NBEA: variants seen among roughly 807,000 people sequenced by gnomAD.
NBEA encodes the protein lysosomal-trafficking regulator 2.
NBEA carries 44 observed loss-of-function variants against 343.4 expected under a neutral mutation model. That is an observed-to-expected ratio of 0.13 (90% CI 0.10 to 0.16). The LOEUF (loss-of-function observed/expected upper bound fraction) is 0.16. Among genes scored for constraint, NBEA ranks in the 10% least tolerant of loss-of-function variants. The probability of loss-of-function intolerance (pLI) is 1.00; values close to 1 mark genes in which losing one functional copy is unlikely to be tolerated. For synonymous variants in NBEA, 1,175 were observed against 1,238.7 expected (o/e 0.95, Z 1.08); for missense variants, 2,555 against 3,631.3 (o/e 0.70, Z 7.62).
chr13:35,548,100 C>A (rs2079147200), intron 41 of NBEA, among the ~76,000 whole-genome samples: 1 of 152,154 alleles, frequency 6.6e-6, no homozygotes, highest in Non-Finnish European at 1.5e-5. Flanking sequence ...CACCCTTCCT[C>A]CTGTGTGGTC....
intron 34 of NBEA, among the ~76,000 whole-genome samples, chr13:35,286,882 G>A (rs550062919): frequency 1.9e-4 from 29 of 152,016 alleles, no homozygotes; most frequent in African/African-American, 7.0e-4. Context: ...CAAAAGAACT[G>A]CCAGTTTTTT....
At chr13:35,667,663 G>C (rs1174074302) in intron 57 of NBEA, 93 bp downstream of exon 57, 1 of 1,201,042 alleles carries the variant, frequency 8.3e-7, no homozygotes, top group Non-Finnish European at 1.2e-6. Flanking sequence ...GAATGTCTGT[G>C]CTATCCAGAT....
chr13:35,463,886 A>G (rs1182087401), intron 40 of NBEA, among the ~76,000 whole-genome samples: 1 of 152,092 alleles, frequency 6.6e-6, no homozygotes, highest in African/African-American at 2.4e-5. Flanking sequence ...GGGGGTAACT[A>G]CCTCAAACAA....
At chr13:35,448,864 C>T (rs1414732553) in intron 39 of NBEA, among the ~76,000 whole-genome samples, 8 of 152,110 alleles carry the variant, frequency 5.3e-5, no homozygotes, top group African/African-American at 1.9e-4. Flanking sequence ...AGGACAGACA[C>T]ATAGTAGGTA....
intron 1 of NBEA, among the ~76,000 whole-genome samples, chr13:34,968,387 G>A (rs2059896179): frequency 6.6e-6 from 1 of 152,022 alleles, no homozygotes; most frequent in Non-Finnish European, 1.5e-5. Context: ...AACTATCTAA[G>A]GGCCCCAACA....
At chr13:35,489,160 G>A (rs2076410932) in intron 41 of NBEA, among the ~76,000 whole-genome samples, 1 of 151,606 alleles carries the variant, frequency 6.6e-6, no homozygotes, top group African/African-American at 2.4e-5. Context: ...GACAAAGACA[G>A]CCTGCCTGAA....
intron 34 of NBEA, among the ~76,000 whole-genome samples, chr13:35,252,265 C>T (rs556427764): frequency 6.6e-6 from 1 of 152,262 alleles, no homozygotes; most frequent in Admixed American, 6.5e-5. Flanking sequence ...ATGAAACCAT[C>T]AGATCTCATG....
intron 49 of NBEA, among the ~76,000 whole-genome samples, chr13:35,638,586 C>A (rs555828344): frequency 6.6e-6 from 1 of 152,284 alleles, no homozygotes; most frequent in South Asian, 2.1e-4. Flanking sequence ...GGCGCATCTT[C>A]CAGAGCCAAA....
At chr13:35,546,667 C>T (rs185497623) in intron 41 of NBEA, among the ~76,000 whole-genome samples, 183 of 151,858 alleles carry the variant, frequency 1.2e-3, no homozygotes, top group Non-Finnish European at 1.9e-4. Context: ...ATTCTCCTGC[C>T]GCAGCCTCCC....
chr13:35,188,906 G>GTTTTTTT (rs571102808), intron 30 of NBEA, among the ~76,000 whole-genome samples: 1 of 109,760 alleles, frequency 9.1e-6, no homozygotes, highest in African/African-American at 3.3e-5. Flanking sequence ...TTTACTTTTT[G>GTTTTTTT]TTTTTTTTTT....
intron 1 of NBEA, among the ~76,000 whole-genome samples, chr13:34,992,336 CCT>C (rs2060792022): frequency 6.9e-6 from 1 of 145,852 alleles, no homozygotes; most frequent in African/African-American, 2.5e-5. Context: ...CTCATTGAAA[CCT>C]CTGCTTTCTG....
intron 13 of NBEA, 41 bp downstream of exon 13, chr13:35,111,019 T>C: frequency 6.6e-7 from 1 of 1,505,802 alleles, no homozygotes; most frequent in East Asian, 2.3e-5. Flanking sequence ...TTGCCTATGA[T>C]TATTCTGTAT....
At position 34,943,130 on chromosome 13, in the gene NBEA, G is replaced by GCT. The variant is rs778376556; in HGVS notation, c.294+20_294+21dup. The GCT allele has an allele frequency of 6.8e-6, 11 of 1,612,152 alleles. No homozygotes were observed. In the South Asian group the frequency reaches 1.1e-4, roughly 16 times the overall value. ...GCTCAACCTGGTAAGGAAAAGGCGT[G>GCT]CTCTCAATCTGCTTCCCCAGTCCCC... On this transcript the variant is annotated intron_variant, in intron 1 of 58. Coordinates refer to ENST00000379939, the MANE Select transcript of NBEA (RefSeq NM_001385012.1).
At chr13:35,563,132 G>GAGATAGATAGATAGATAGAGATAGAT (rs1389579804) in intron 44 of NBEA, among the ~76,000 whole-genome samples, 111 of 123,584 alleles carry the variant, frequency 9.0e-4, no homozygotes, top group Non-Finnish European at 1.6e-3. Flanking sequence ...TGTGTGTGTG[G>GAGATAGATAGATAGATAGAGATAGAT]AGATAGATAG....
At chr13:35,203,649 A>T (rs138751455) in intron 31 of NBEA, among the ~76,000 whole-genome samples, 17 of 152,296 alleles carry the variant, frequency 1.1e-4, no homozygotes, top group African/African-American at 3.6e-4. Flanking sequence ...TGAATGAATG[A>T]GTGAATGTAT....
At chr13:35,363,441 A>T (rs2152876425) in intron 38 of NBEA, among the ~76,000 whole-genome samples, 1 of 151,856 alleles carries the variant, frequency 6.6e-6, no homozygotes, top group Non-Finnish European at 1.5e-5. Flanking sequence ...CCCCTTTCTT[A>T]TATTACCTTC....
intron 41 of NBEA, chr13:35,475,999 A>T: frequency 6.2e-7 from 1 of 1,614,196 alleles, no homozygotes; most frequent in Non-Finnish European, 8.5e-7. Context: ...CGGCTCCTGC[A>T]CTTCCACTTC....
In NBEA at chr13:35,452,173, T is replaced by C. The variant is rs1594685829; in HGVS notation, c.6386T>C (p.Met2129Thr). The change falls in exon 40 of 59, where the codon ATG becomes ACG. Residue 2129 changes from methionine to threonine, a missense_variant. Met to Thr is a moderately conservative substitution (Grantham distance 81, BLOSUM62 -1). Around this residue, in one of 21 missense-constraint regions of NBEA, gnomAD observed 246 missense variants for 313.7 expected, o/e 0.78. Transcript: ENST00000379939. ...AACCAAAATGCAGAGACAGAACTTA[T>C]GCTGGAAGGAGACGATGATGCAGTC... is the stretch of plus-strand genomic sequence containing the variant. ...IVNQNAETEL[M>T]LEGDDDAVSL... 2.5e-6 allele frequency: 4 copies of C among 1,608,918 alleles called. No homozygotes were observed. Among genetic ancestry groups the C allele is most frequent in the Non-Finnish European group, 3.4e-6 (4 of 1,176,982 alleles).
At chr13:35,630,066 TAAATA>T (rs1216210195) in intron 49 of NBEA, among the ~76,000 whole-genome samples, 1 of 99,150 alleles carries the variant, frequency 1.0e-5, no homozygotes, top group Non-Finnish European at 2.5e-5. Context: ...TAAAATAAAT[TAAATA>T]AATTAAATAC....
Sources: allele counts gnomAD v4.1 joint callset (sites outside exome capture counted in the v4.1 genomes callset), GRCh38; gene constraint gnomAD v4.1.1; regional missense constraint gnomAD v4.1.1; transcripts MANE v1.5; gene names NCBI Gene and HGNC (gene_info 2026-07-23, HGNC 2026-07-21).